GRIK2: variants seen among roughly 807,000 people sequenced by gnomAD.
GRIK2 encodes the protein glutamate ionotropic receptor kainate type subunit 2, also known as glutamate receptor ionotropic, kainate 2.
GRIK2 carries 32 observed loss-of-function variants against 100.3 expected under a neutral mutation model. The ratio of observed to expected loss-of-function variants is 0.32; its 90% CI spans 0.24 to 0.43. GRIK2 has a LOEUF of 0.43. Among genes scored for constraint, GRIK2 ranks in the 20% least tolerant of loss-of-function variants. The pLI, the probability that GRIK2 is intolerant of heterozygous loss-of-function variation, is 1.00. For synonymous variants in GRIK2, 417 were observed against 389.4 expected (o/e 1.07, Z -0.83); for missense variants, 843 against 1,114.9 (o/e 0.76, Z 3.47).
chr6:101,617,108 G>T (rs1457640214), intron 2 of GRIK2, among the ~76,000 whole-genome samples: 2 of 151,418 alleles, frequency 1.3e-5, no homozygotes, highest in East Asian at 3.9e-4. Flanking sequence ...TTTACTGCTT[G>T]TGTTTTCAAA....
At chr6:101,690,265 G>A (rs371709012) in intron 7 of GRIK2, among the ~76,000 whole-genome samples, 3 of 151,538 alleles carry the variant, frequency 2.0e-5, no homozygotes, top group African/African-American at 7.3e-5. Context: ...ATATTTCCTT[G>A]ATAATATAAA....
At chr6:101,547,914 G>A (rs1776324556) in intron 2 of GRIK2, among the ~76,000 whole-genome samples, 1 of 152,152 alleles carries the variant, frequency 6.6e-6, no homozygotes, top group Non-Finnish European at 1.5e-5. Flanking sequence ...CACAATGGTT[G>A]AACTAGTTTA....
At chr6:101,745,255 T>C (rs1301169820) in intron 7 of GRIK2, 1 of 152,168 alleles carries the variant, frequency 6.6e-6, no homozygotes, top group African/African-American at 2.4e-5. Flanking sequence ...CTGATCTAGA[T>C]TTGGAGATCA....
In GRIK2 at chr6:101,579,055, G is replaced by A. The variant is rs186951297; in HGVS notation, c.116-42894G>A. 4.4e-3 allele frequency among the ~76,000 whole-genome samples: 662 copies of A among 152,086 alleles called. 5 individuals are homozygous for A. The highest frequency in any genetic ancestry group is 0.015 in the African/African-American group (625 of 41,502). On this transcript the variant is annotated intron_variant, in intron 2 of 16. Coordinates refer to ENST00000369134, the MANE Select transcript of GRIK2 (RefSeq NM_021956.5). ...TTGTTAAATAAATAAAGTAAATGTA[G>A]GTTATATGTGTGTACTTAGACCAAC...
chr6:101,865,329 G>A (rs917117262), intron 11 of GRIK2, among the ~76,000 whole-genome samples: 1 of 152,132 alleles, frequency 6.6e-6, no homozygotes, highest in African/African-American at 2.4e-5. Context: ...AGCCTTTTAT[G>A]ATTCATAAAT....
chr6:101,947,610 A>G (rs1055300530), intron 14 of GRIK2, among the ~76,000 whole-genome samples: 5 of 152,150 alleles, frequency 3.3e-5, no homozygotes, highest in African/African-American at 1.2e-4. Context: ...TGCTTATTTA[A>G]ATATGTCAGT....
intron 4 of GRIK2, among the ~76,000 whole-genome samples, chr6:101,667,545 A>G (rs1229158197): frequency 1.3e-5 from 2 of 152,160 alleles, no homozygotes; most frequent in Non-Finnish European, 2.9e-5. Context: ...AAATTTGTAC[A>G]CTTTTAAAAT....
chr6:101,519,703 A>T (rs888434115), intron 2 of GRIK2, among the ~76,000 whole-genome samples: 1 of 152,142 alleles, frequency 6.6e-6, no homozygotes, highest in African/African-American at 2.4e-5. Context: ...AAATAGGAGA[A>T]ATTATGAACC....
intron 7 of GRIK2, among the ~76,000 whole-genome samples, chr6:101,794,930 A>G (rs908952477): frequency 6.7e-6 from 1 of 148,252 alleles, no homozygotes; most frequent in Non-Finnish European, 1.5e-5. Flanking sequence ...CAGTGGCGCC[A>G]TCTTGGCTGA....
intron 2 of GRIK2, among the ~76,000 whole-genome samples, chr6:101,451,055 A>G (rs1003911107): frequency 2.0e-5 from 3 of 151,632 alleles, no homozygotes; most frequent in Non-Finnish European, 3.0e-5. Flanking sequence ...TGTGTTCTAT[A>G]CTTCAGCCAG....
At chr6:101,683,905 C>T (rs984310015) in intron 6 of GRIK2, among the ~76,000 whole-genome samples, 7 of 152,170 alleles carry the variant, frequency 4.6e-5, no homozygotes, top group African/African-American at 1.7e-4. Context: ...CATCTATCTT[C>T]TCCATTCCCA....
At chr6:101,737,306 T>G (rs1021060856) in intron 7 of GRIK2, among the ~76,000 whole-genome samples, 1 of 152,154 alleles carries the variant, frequency 6.6e-6, no homozygotes, top group Non-Finnish European at 1.5e-5. Context: ...ATTTACAGTA[T>G]TAGTTTGTTT....
intron 2 of GRIK2, among the ~76,000 whole-genome samples, chr6:101,581,442 G>C (rs1352182529): frequency 6.6e-6 from 1 of 152,070 alleles, no homozygotes; most frequent in Non-Finnish European, 1.5e-5. Flanking sequence ...TTGGTGTCCA[G>C]TGTTTGAGGA....
In GRIK2 at chr6:101,548,718, C is replaced by G. The variant is rs557726418; in HGVS notation, c.116-73231C>G. Among the ~76,000 whole-genome samples, 8 of 152,268 alleles carry G rather than the reference C, an allele frequency of 5.3e-5. No individual in the cohort carries two copies. In the South Asian group the frequency reaches 1.7e-3, roughly 32 times the overall value. On this transcript the variant is annotated intron_variant, in intron 2 of 16. Coordinates refer to ENST00000369134, the MANE Select transcript of GRIK2 (RefSeq NM_021956.5). ...TGTATCATGATCATGATCATCCTCT[C>G]ATCATGTATAGCATTTGTTGAGTGC...
chr6:101,658,745 G>A (rs916356666), intron 4 of GRIK2, among the ~76,000 whole-genome samples: 4 of 152,124 alleles, frequency 2.6e-5, no homozygotes, highest in Non-Finnish European at 5.9e-5. Flanking sequence ...GTATCTCACT[G>A]TGGTTTTGAT....
intron 2 of GRIK2, among the ~76,000 whole-genome samples, chr6:101,439,184 A>G (rs1769906899): frequency 6.6e-6 from 1 of 152,126 alleles, no homozygotes; most frequent in Non-Finnish European, 1.5e-5. Flanking sequence ...TGTTTATATC[A>G]TATGGATTAT....
chr6:101,537,445 T>TGTGTGTGC (rs762934159), intron 2 of GRIK2, among the ~76,000 whole-genome samples: 76 of 86,196 alleles, frequency 8.8e-4, no homozygotes, highest in Admixed American at 1.7e-3. Flanking sequence ...TGTGTGTTTG[T>TGTGTGTGC]GTGTGTGTGC....
chr6:101,707,682 A>T (rs1254459199), intron 7 of GRIK2, among the ~76,000 whole-genome samples: 2 of 149,710 alleles, frequency 1.3e-5, no homozygotes, highest in Non-Finnish European at 3.0e-5. Context: ...GAAAAGAGTG[A>T]CAAGGCACTC....
At chr6:101,503,251 A>C (rs1773857505) in intron 2 of GRIK2, among the ~76,000 whole-genome samples, 1 of 152,208 alleles carries the variant, frequency 6.6e-6, no homozygotes, top group South Asian at 2.1e-4. Context: ...TGCTGATAAC[A>C]GTTACAATGG....
Sources: allele counts gnomAD v4.1 joint callset (sites outside exome capture counted in the v4.1 genomes callset), GRCh38; gene constraint gnomAD v4.1.1; transcripts MANE v1.5; gene names NCBI Gene and HGNC (gene_info 2026-07-23, HGNC 2026-07-21).